Variants in AGL observed in about 807,000 individuals in gnomAD.
The protein encoded by AGL is glycogen debranching enzyme.
A neutral mutation model predicts 199.3 loss-of-function variants in AGL; 128 were observed. The ratio of observed to expected loss-of-function variants is 0.64; its 90% CI spans 0.56 to 0.74. The LOEUF (loss-of-function observed/expected upper bound fraction) is 0.74, where lower values mean the gene tolerates loss of function less well. AGL is among the 30% of genes least tolerant of loss of function. The pLI, the probability that AGL is intolerant of heterozygous loss-of-function variation, is 0.00. For missense variants in AGL, 1,809 were observed against 1,820.8 expected (o/e 0.99, Z 0.12); for synonymous variants, 584 against 594.7 (o/e 0.98, Z 0.26).
intron 26 of AGL, among the ~76,000 whole-genome samples, chr1:99,901,382 TAAAAAAA>T (rs58305886): frequency 4.6e-5 from 5 of 107,744 alleles, no homozygotes; most frequent in African/African-American, 7.1e-5. Flanking sequence ...TCAGTCTCTT[TAAAAAAA>T]AAAAAAAAAA....
intron 24 of AGL, among the ~76,000 whole-genome samples, chr1:99,892,879 A>T (rs1653017904): frequency 6.6e-6 from 1 of 151,888 alleles, no homozygotes; most frequent in African/African-American, 2.4e-5. Context: ...GTGTTTTTTT[A>T]AATCAAATTT....
intron 2 of AGL, among the ~76,000 whole-genome samples, 197 bp downstream of exon 2, chr1:99,851,321 C>T (rs1460159548): frequency 1.3e-5 from 2 of 152,076 alleles, no homozygotes; most frequent in African/African-American, 4.8e-5. Context: ...TTTTATATCC[C>T]TCGTGTTAGG....
At chr1:99,851,274 A>G (rs1032721315) in intron 2 of AGL, 150 bp downstream of exon 2, 1 of 714,546 alleles carries the variant, frequency 1.4e-6, no homozygotes, top group Non-Finnish European at 2.5e-6. Flanking sequence ...TGTGTTCTCC[A>G]TATATCACTA....
intron 10 of AGL, 106 bp from the exon 11 acceptor site, chr1:99,876,352 T>C (rs1368794004): frequency 2.4e-5 from 22 of 901,056 alleles, no homozygotes; most frequent in African/African-American, 5.1e-5. Flanking sequence ...ATCAAACTTA[T>C]TTTATTCTAT....
At chr1:99,906,152 G>C (rs1654272136) in intron 27 of AGL, among the ~76,000 whole-genome samples, 1 of 151,936 alleles carries the variant, frequency 6.6e-6, no homozygotes, top group Admixed American at 6.6e-5. Context: ...TCCTTCCCCA[G>C]CCCCTGGAAC....
intron 7 of AGL, 57 bp downstream of exon 7, chr1:99,870,926 G>A: frequency 9.3e-7 from 1 of 1,078,666 alleles, no homozygotes; most frequent in South Asian, 1.3e-5. Context: ...ATATTATAAA[G>A]GGAAAACTCT....
chr1:99,902,970 A>G (rs952408107), intron 27 of AGL, among the ~76,000 whole-genome samples, 176 bp downstream of exon 27: 3 of 152,210 alleles, frequency 2.0e-5, no homozygotes, highest in African/African-American at 7.2e-5. Flanking sequence ...AAAATTTTAT[A>G]TCTTTTGTCA....
Position 99,884,371 on chromosome 1 carries a change from A to T in AGL, c.2466A>T (p.Gly822=), listed in dbSNP as rs2100768839. ...LNESKIVKQA[G]VATKGPNEYI... is the part of the protein sequence containing the mutation. ...AAAGTAAAATTGTTAAACAAGCTGG[A>T]GTTGCCACAAAAGGGCCCAATGAAT... Residue 822 remains glycine (G), a synonymous_variant, in exon 19 of 34, where the codon GGA becomes GGT. Coordinates refer to ENST00000361915, the MANE Select transcript of AGL (RefSeq NM_000642.3). 2 of 1,613,494 alleles carry T rather than the reference A, an allele frequency of 1.2e-6. No individual in the cohort carries two copies. Among genetic ancestry groups the T allele is most frequent in the Non-Finnish European group, 8.5e-7 (1 of 1,179,686 alleles).
chr1:99,912,107 C>G (rs373289193), intron 28 of AGL, among the ~76,000 whole-genome samples: 1 of 152,058 alleles, frequency 6.6e-6, no homozygotes, highest in African/African-American at 2.4e-5. Flanking sequence ...TCTCTAGTAC[C>G]TTATCCCAAT....
chr1:99,857,356 C>T (rs1327892964), intron 2 of AGL, among the ~76,000 whole-genome samples: 1 of 152,040 alleles, frequency 6.6e-6, no homozygotes, highest in Non-Finnish European at 1.5e-5. Context: ...GGGCTCCTCA[C>T]ATCCCAGACG....
At chr1:99,863,869 T>G (rs1021880539) in intron 4 of AGL, among the ~76,000 whole-genome samples, 1 of 151,270 alleles carries the variant, frequency 6.6e-6, no homozygotes, top group Non-Finnish European at 1.5e-5. Context: ...CTTGAACTCC[T>G]GGGCTCAAGT....
At position 99,864,496 on chromosome 1, in the gene AGL, A is replaced by G; in HGVS notation, c.571A>G (p.Lys191Glu). 2.5e-6 allele frequency: 4 copies of G among 1,613,916 alleles called. No homozygotes were observed. Among genetic ancestry groups the G allele is most frequent in the Non-Finnish European group, 3.4e-6 (4 of 1,179,850 alleles). ...LNPDFSRPNR[K>E]YTWNDVGQLV... is the part of the protein sequence containing the mutation. The stretch of plus-strand genomic sequence containing the variant: ...TCCTGACTTTTCAAGACCTAATAGA[A>G]AGTATACCTGGAATGATGTTGGACA... Residue 191 changes from lysine (K) to glutamate (E), a missense_variant, in exon 5 of 34, where the codon AAG (lysine) becomes GAG (glutamate). Lys to Glu is a moderately conservative substitution (Grantham distance 56). Transcript: ENST00000361915.
rs1557754482 is a variant in AGL at position 99,870,568 on chromosome 1, A to G, written c.833A>G (p.Asp278Gly). 3.1e-6 allele frequency: 5 copies of G among 1,614,064 alleles called. No individual in the cohort carries two copies. The highest frequency in any genetic ancestry group is 1.7e-4 in the Middle Eastern group (1 of 6,058). ...EKGIPALIENDHHMNSIRKII... is the reference protein window; with the variant it reads ...EKGIPALIENGHHMNSIRKII... ...GGAATACCTGCTTTGATTGAAAATG[A>G]TCACCATATGAATGTCAGTATGTAC... The change falls in exon 6 of 34, where the codon GAT (aspartate) becomes GGT (glycine). Residue 278 changes from aspartate (D) to glycine (G), a missense_variant. By Grantham distance (94) the Asp-to-Gly change is moderately conservative (BLOSUM62 -1). Coordinates refer to ENST00000361915, the MANE Select transcript of AGL (RefSeq NM_000642.3).
rs574307189 is a variant in AGL at position 99,862,405 on chromosome 1, A to G, written c.442A>G (p.Arg148Gly). ...GPFDEWESRL[R>G]VAKESGYNMI... The stretch of plus-strand genomic sequence containing the variant: ...TTTTGATGAATGGGAAAGCAGACTT[A>G]GGGTTGCAAAAGAATCAGGTAATGT... The change falls in exon 4 of 34, where the codon AGG becomes GGG. Residue 148 changes from arginine to glycine, a missense_variant. Transcript: ENST00000361915. The G allele has an allele frequency of 9.3e-6, 15 of 1,614,142 alleles. No individual in the cohort carries two copies. In the South Asian group the frequency reaches 1.6e-4, roughly 18 times the overall value.
At chr1:99,907,181 C>T (rs1654351550) in intron 27 of AGL, among the ~76,000 whole-genome samples, 1 of 152,122 alleles carries the variant, frequency 6.6e-6, no homozygotes, top group Non-Finnish European at 1.5e-5. Context: ...TCTATTGAAG[C>T]CCTTTGCCCA....
chr1:99,897,711 C>G (rs2100808090), intron 25 of AGL, among the ~76,000 whole-genome samples: 2 of 152,272 alleles, frequency 1.3e-5, no homozygotes, highest in Admixed American at 1.3e-4. Flanking sequence ...TGGTTAAGAA[C>G]TTCGGCTTTA....
chr1:99,892,638 TAAA>T, intron 24 of AGL, 31 bp downstream of exon 24: 1 of 1,600,244 alleles, frequency 6.2e-7, no homozygotes, highest in Non-Finnish European at 8.6e-7. Flanking sequence ...TTAAAATATG[TAAA>T]TCGATAGTAT....
chr1:99,853,276 T>C (rs1649130954), intron 2 of AGL, among the ~76,000 whole-genome samples: 2 of 152,218 alleles, frequency 1.3e-5, no homozygotes, highest in African/African-American at 4.8e-5. Context: ...CCATCATTAA[T>C]GTCATAGATC....
intron 17 of AGL, among the ~76,000 whole-genome samples, chr1:99,883,529 A>G (rs1057307080): frequency 6.6e-6 from 1 of 152,184 alleles, no homozygotes; most frequent in Admixed American, 6.5e-5. Context: ...AGCAGTGTGA[A>G]TGAATCTAAA....
Sources: gnomAD v4.1 joint callset for allele counts (sites outside exome capture counted in the v4.1 genomes callset) on GRCh38, gnomAD v4.1.1 for gene constraint, MANE v1.5 for transcripts, NCBI Gene and HGNC (gene_info 2026-07-23, HGNC 2026-07-21) for gene names.